The following GPR149 variants were observed in gnomAD, a reference collection of about 807,000 sequenced individuals.
GPR149 encodes G protein-coupled receptor 149.
A neutral mutation model predicts 50.2 loss-of-function variants in GPR149; 50 were observed. The ratio of observed to expected loss-of-function variants is 1.00; its 90% CI spans 0.79 to 1.26. The LOEUF (loss-of-function observed/expected upper bound fraction) is 1.26, where lower values mean the gene tolerates loss of function less well. Among genes scored for constraint, GPR149 ranks in the 50% most tolerant of loss-of-function variants. The pLI, the probability that GPR149 is intolerant of heterozygous loss-of-function variation, is 0.00. For missense variants in GPR149, 983 were observed against 895.4 expected, an observed-to-expected ratio of 1.10 and a Z score of -1.25; for synonymous variants, 405 against 358.2, an observed-to-expected ratio of 1.13 and a Z score of -1.48.
intron 3 of GPR149, among the ~76,000 whole-genome samples, chr3:154,409,762 T>A (rs765255626): frequency 6.6e-6 from 1 of 152,130 alleles, no homozygotes; most frequent in Non-Finnish European, 1.5e-5. Flanking sequence ...GAACAAATCG[T>A]GTTCCTGAGG....
At chr3:154,408,260 C>T (rs1018089816) in intron 3 of GPR149, among the ~76,000 whole-genome samples, 2 of 152,186 alleles carry the variant, frequency 1.3e-5, no homozygotes, top group Admixed American at 1.3e-4. Flanking sequence ...CATGTGGAGA[C>T]TCACATCATG....
intron 3 of GPR149, among the ~76,000 whole-genome samples, chr3:154,374,973 G>A (rs1576912227): frequency 6.6e-6 from 1 of 152,178 alleles, no homozygotes; most frequent in African/African-American, 2.4e-5. Flanking sequence ...TAAGTATTTA[G>A]AATTAGTTAT....
intron 3 of GPR149, chr3:154,354,790 T>TC: frequency 1.5e-6 from 1 of 681,084 alleles, no homozygotes. Flanking sequence ...CCAAGGAGTT[T>TC]CCCAGGCATT....
At chr3:154,350,121 T>C (rs1714037350) in intron 3 of GPR149, among the ~76,000 whole-genome samples, 1 of 151,978 alleles carries the variant, frequency 6.6e-6, no homozygotes, top group Non-Finnish European at 1.5e-5. Context: ...CACTTGAGCC[T>C]GGGGATTTGA....
chr3:154,397,490 A>T (rs979637082), intron 3 of GPR149, among the ~76,000 whole-genome samples: 1 of 152,174 alleles, frequency 6.6e-6, no homozygotes, highest in African/African-American at 2.4e-5. Context: ...ATAAACTTAA[A>T]CTGAATTATA....
At chr3:154,381,706 C>T (rs1051959379) in intron 3 of GPR149, among the ~76,000 whole-genome samples, 1 of 152,084 alleles carries the variant, frequency 6.6e-6, no homozygotes, top group Non-Finnish European at 1.5e-5. Flanking sequence ...TGGAACTACT[C>T]TAACAACTTA....
At chr3:154,361,703 G>A (rs1048809623) in intron 3 of GPR149, among the ~76,000 whole-genome samples, 2 of 152,120 alleles carry the variant, frequency 1.3e-5, no homozygotes, top group Non-Finnish European at 2.9e-5. Flanking sequence ...TAATGTGGAA[G>A]TCTAGGAATC....
chr3:154,397,537 C>G (rs192861839), intron 3 of GPR149, among the ~76,000 whole-genome samples: 7 of 151,888 alleles, frequency 4.6e-5, no homozygotes, highest in Admixed American at 2.0e-4. Context: ...AAACTCATCA[C>G]TCCCAATTAT....
At chr3:154,410,097 A>G (rs1192718609) in intron 3 of GPR149, among the ~76,000 whole-genome samples, 2 of 152,180 alleles carry the variant, frequency 1.3e-5, no homozygotes, top group African/African-American at 4.8e-5. Flanking sequence ...AAACAAAACA[A>G]TCATCATCCA....
Position 154,336,151 on chromosome 3 carries a change from A to G in GPR149, c.*1548T>C, listed in dbSNP as rs1179074616. The G allele has an allele frequency of 1.3e-5, 2 of 152,096 alleles. No individual in the cohort carries two copies. The highest frequency in any genetic ancestry group is 4.8e-5 in the African/African-American group (2 of 41,448). The allele number at this position is 152,096 out of a possible 1,614,324, so 9.4% of individuals were successfully genotyped here. On this transcript the variant is annotated 3_prime_UTR_variant, in exon 4 of 4. Transcript: ENST00000389740. ...ATTTGAGGCTTGCTTTACAAACATTATTAGTGGTAATACATATGTTTCCCA... is the reference window on the plus strand; with the variant it reads ...ATTTGAGGCTTGCTTTACAAACATTGTTAGTGGTAATACATATGTTTCCCA...
At chr3:154,353,505 C>G (rs1400500373) in intron 3 of GPR149, 1 of 889,980 alleles carries the variant, frequency 1.1e-6, no homozygotes, top group Non-Finnish European at 1.9e-6. Flanking sequence ...ATCCAATCAG[C>G]CACTCTGCAG....
intron 3 of GPR149, among the ~76,000 whole-genome samples, chr3:154,398,120 G>A (rs1327759896): frequency 3.3e-5 from 5 of 152,058 alleles, no homozygotes. Context: ...AATGCCAGTT[G>A]CAGTTGTTAA....
Position 154,421,462 on chromosome 3 carries a change from A to T in GPR149, c.1200T>A (p.Asn400Lys). Residue 400 changes from asparagine to lysine, a missense_variant, in exon 3 of 4, where the codon AAT (asparagine) becomes AAA (lysine). Asn to Lys is a moderately conservative substitution (Grantham distance 94, BLOSUM62 0). Coordinates refer to ENST00000389740, the MANE Select transcript of GPR149 (RefSeq NM_001038705.3). ...KKIKRKGFEFNLSFQKSYGIY... is the reference protein window; with the variant it reads ...KKIKRKGFEFKLSFQKSYGIY... ...TCCCATAACTTTTTTGGAATGATAG[A>T]TTGAATTCAAAGCCTTTTCTCTTGA... 6.3e-7 allele frequency: 1 copy of T among 1,585,300 alleles called. No individual in the cohort carries two copies. The highest frequency in any genetic ancestry group is 8.6e-7 in the Non-Finnish European group (1 of 1,166,356).
rs758647517 is a variant in GPR149 at position 154,427,558 on chromosome 3, A to AGTT, written c.1129_1131dup (p.Asn377dup). On this transcript the variant is annotated inframe_insertion, in exon 2 of 4. Coordinates refer to ENST00000389740, the MANE Select transcript of GPR149 (RefSeq NM_001038705.3). ...GCCACTGCATATGCGTTCTGCCTGCAGTTGATGATGCAGCCACAGGGCAAG... is the reference window on the plus strand; with the variant it reads ...GCCACTGCATATGCGTTCTGCCTGCAGTTGTTGATGATGCAGCCACAGGGCAAG... 2.5e-6 allele frequency: 4 copies of AGTT among 1,613,878 alleles called. No homozygotes were observed. Among genetic ancestry groups the AGTT allele is most frequent in the East Asian group, 4.5e-5 (2 of 44,870 alleles).
At chr3:154,392,379 C>T (rs1241061267) in intron 3 of GPR149, among the ~76,000 whole-genome samples, 1 of 150,984 alleles carries the variant, frequency 6.6e-6, no homozygotes, top group African/African-American at 2.4e-5. Flanking sequence ...AACAAACAAA[C>T]AAAAAAACCC....
chr3:154,338,476 G>T (rs113753124), intron 3 of GPR149, among the ~76,000 whole-genome samples: 1 of 152,094 alleles, frequency 6.6e-6, no homozygotes, highest in South Asian at 2.1e-4. Context: ...ATTTAATGAG[G>T]GTAGTTAGGA....
intron 3 of GPR149, among the ~76,000 whole-genome samples, chr3:154,400,359 G>T (rs1246542703): frequency 6.6e-6 from 1 of 152,144 alleles, no homozygotes; most frequent in East Asian, 1.9e-4. Flanking sequence ...CTAAGGATCA[G>T]AAATTATATT....
intron 3 of GPR149, chr3:154,354,731 T>C: frequency 3.1e-6 from 2 of 655,520 alleles, no homozygotes; most frequent in Non-Finnish European, 4.7e-6. Flanking sequence ...CTGTCCTTCT[T>C]CTGGCTCTCG....
intron 3 of GPR149, among the ~76,000 whole-genome samples, chr3:154,360,691 A>G (rs182083865): frequency 2.6e-4 from 40 of 152,276 alleles, no homozygotes; most frequent in African/African-American, 9.1e-4. Context: ...GGGATCGGAG[A>G]TACAAAATGA....
Sources: gnomAD v4.1 joint callset for allele counts (sites outside exome capture counted in the v4.1 genomes callset) on GRCh38, gnomAD v4.1.1 for gene constraint, MANE v1.5 for transcripts, NCBI Gene and HGNC (gene_info 2026-07-23, HGNC 2026-07-21) for gene names.